ADRA1B: variants seen among roughly 807,000 people sequenced by gnomAD.
ADRA1B encodes alpha-1B adrenergic receptor.
A neutral mutation model predicts 17.9 loss-of-function variants in ADRA1B; 17 were observed. The observed-to-expected ratio is 0.95, with a 90% CI of 0.65 to 1.42. ADRA1B has a LOEUF of 1.42. Among genes scored for constraint, ADRA1B ranks in the 40% most tolerant of loss-of-function variants. The pLI, the probability that ADRA1B is intolerant of heterozygous loss-of-function variation, is 0.00. For missense variants in ADRA1B, 681 were observed against 722.1 expected (o/e 0.94, Z 0.65); for synonymous variants, 366 against 327.6 (o/e 1.12, Z -1.27).
the ADRA1B span, among the ~76,000 whole-genome samples, chr5:159,978,159 G>T: frequency 6.6e-6 from 1 of 152,114 alleles, no homozygotes; most frequent in Non-Finnish European, 1.5e-5. Flanking sequence ...TATATTCCAT[G>T]AGAGTGGGGA....
intron 1 of ADRA1B, among the ~76,000 whole-genome samples, chr5:159,963,369 C>T (rs1009026278): frequency 6.7e-6 from 1 of 150,072 alleles, no homozygotes. Flanking sequence ...TGATTAAGAG[C>T]CTCTGTCACA....
chr5:159,966,393 T>C (rs935831905), intron 1 of ADRA1B, among the ~76,000 whole-genome samples: 13 of 152,152 alleles, frequency 8.5e-5, no homozygotes, highest in Admixed American at 2.0e-4. Context: ...TATTAGCCCA[T>C]CTTACTGATG....
At chr5:159,906,455 A>ATT (rs1754161662) in intron 1 of ADRA1B, among the ~76,000 whole-genome samples, 1 of 152,242 alleles carries the variant, frequency 6.6e-6, no homozygotes, top group Non-Finnish European at 1.5e-5. Context: ...CTCAAAATGT[A>ATT]GTCTTCTGCA....
At chr5:159,877,537 T>C (rs964592909) in intron 1 of ADRA1B, among the ~76,000 whole-genome samples, 3 of 152,134 alleles carry the variant, frequency 2.0e-5, no homozygotes, top group African/African-American at 7.2e-5. Flanking sequence ...ATATCTCATA[T>C]CTCATTGGGT....
chr5:159,889,212 G>C (rs1388819225), intron 1 of ADRA1B, among the ~76,000 whole-genome samples: 2 of 152,120 alleles, frequency 1.3e-5, no homozygotes, highest in South Asian at 2.1e-4. Context: ...TCATGGAAGG[G>C]CAAGAATGGT....
chr5:159,976,268 G>C (rs946409588), downstream of ADRA1B, among the ~76,000 whole-genome samples: 2 of 152,160 alleles, frequency 1.3e-5, no homozygotes, highest in African/African-American at 4.8e-5. Context: ...TGGTTATAGA[G>C]ACAAAACAAT....
rs1755912422 is a variant in ADRA1B, at chr5:159,972,884, AGGAGG to A, written c.*393_*397del. 6.6e-6 allele frequency among the ~76,000 whole-genome samples: 1 copy of A among 152,196 alleles called. No homozygotes were observed. The highest frequency in any genetic ancestry group is 1.5e-5 in the Non-Finnish European group (1 of 68,012). On this transcript the variant is annotated 3_prime_UTR_variant, in exon 2 of 2. Coordinates refer to ENST00000306675, the MANE Select transcript of ADRA1B (RefSeq NM_000679.4). ...GTGAGGGCGCGGCGACTGTGCGCCC[AGGAGG>A]CAACCGGGGGCGTTGTGTGTGTCGT... is the stretch of plus-strand genomic sequence containing the variant.
chr5:159,981,474 T>G, the ADRA1B span, among the ~76,000 whole-genome samples: 6 of 152,296 alleles, frequency 3.9e-5, no homozygotes, highest in South Asian at 1.2e-3. Flanking sequence ...GTTCCCATTT[T>G]GTATTATTAG....
At chr5:159,951,545 C>G in intron 1 of ADRA1B, 1 of 590,410 alleles carries the variant, frequency 1.7e-6, no homozygotes, top group South Asian at 1.7e-5. Flanking sequence ...ATGCAGCTGT[C>G]TGTCGAACGG....
chr5:159,880,561 G>A (rs1432825890), intron 1 of ADRA1B, among the ~76,000 whole-genome samples: 2 of 152,182 alleles, frequency 1.3e-5, no homozygotes, highest in African/African-American at 4.8e-5. Context: ...ACCCTACAAA[G>A]CTCATGAAAA....
At chr5:159,966,768 G>C (rs62377701) in intron 1 of ADRA1B, among the ~76,000 whole-genome samples, 177 of 152,318 alleles carry the variant, frequency 1.2e-3, no homozygotes, top group Non-Finnish European at 1.3e-3. Context: ...GATTCCTCAT[G>C]TGAATTTATT....
intron 1 of ADRA1B, among the ~76,000 whole-genome samples, chr5:159,867,605 T>C (rs1456586182): frequency 1.3e-5 from 2 of 152,164 alleles, no homozygotes; most frequent in Non-Finnish European, 2.9e-5. Context: ...TCAAGGGGTT[T>C]TTCCACATCA....
rs1040220101 is a variant in ADRA1B, at chr5:159,922,995, G to C, written c.949+5141G>C. 4.6e-5 allele frequency among the ~76,000 whole-genome samples: 7 copies of C among 152,396 alleles called. No homozygotes were observed. In the South Asian group the frequency reaches 1.4e-3, roughly 32 times the overall value. On this transcript the variant is annotated intron_variant, in intron 1 of 1. Coordinates refer to ENST00000306675, the MANE Select transcript of ADRA1B (RefSeq NM_000679.4). ...GTACATCATAGGTCCCTGAGGCAGT[G>C]ACATTTAAGTGGAACCCTCAACGGT...
At chr5:159,970,144 ATAATG>A (rs1270727696) in intron 1 of ADRA1B, among the ~76,000 whole-genome samples, 1 of 152,128 alleles carries the variant, frequency 6.6e-6, no homozygotes, top group African/African-American at 2.4e-5. Context: ...TTTCTTATTC[ATAATG>A]TCTCATCATC....
At chr5:159,968,743 C>A (rs1267914264) in intron 1 of ADRA1B, among the ~76,000 whole-genome samples, 1 of 152,132 alleles carries the variant, frequency 6.6e-6, no homozygotes, top group East Asian at 1.9e-4. Flanking sequence ...CTACTTCTTC[C>A]CCAAATTTTC....
At chr5:159,962,609 A>T (rs1033596765) in intron 1 of ADRA1B, among the ~76,000 whole-genome samples, 3 of 152,086 alleles carry the variant, frequency 2.0e-5, no homozygotes, top group Non-Finnish European at 4.4e-5. Flanking sequence ...AGGAGCTAAA[A>T]AAGTTGGCGG....
At chr5:159,978,516 G>A in the ADRA1B span, among the ~76,000 whole-genome samples, 1 of 152,108 alleles carries the variant, frequency 6.6e-6, no homozygotes, top group African/African-American at 2.4e-5. Flanking sequence ...TCTGATTCTG[G>A]CTCAGCCCCT....
rs527267945 is a variant in ADRA1B at position 159,917,987 on chromosome 5, T to C, written c.949+133T>C. The C allele has an allele frequency of 7.2e-5, 62 of 859,304 alleles. No individual in the cohort carries two copies. In the African/African-American group the frequency reaches 1.0e-3, roughly 14 times the overall value. The allele number at this position is 859,304 out of a possible 1,614,324, so 53.2% of individuals were successfully genotyped here. On this transcript the variant is annotated intron_variant, in intron 1 of 1. Coordinates refer to ENST00000306675, the MANE Select transcript of ADRA1B (RefSeq NM_000679.4). ...CGTGTTCGGAGATTGAATAATATTGTTTGTTCTGCAAAGGGTTTGCAGATT... is the reference window on the plus strand; with the variant it reads ...CGTGTTCGGAGATTGAATAATATTGCTTGTTCTGCAAAGGGTTTGCAGATT...
At chr5:159,884,094 C>A (rs1340109968) in intron 1 of ADRA1B, among the ~76,000 whole-genome samples, 2 of 151,918 alleles carry the variant, frequency 1.3e-5, no homozygotes, top group Non-Finnish European at 2.9e-5. Context: ...TGGCCTAAAG[C>A]CAAAAATAAA....
Sources: allele counts gnomAD v4.1 joint callset (sites outside exome capture counted in the v4.1 genomes callset), GRCh38; gene constraint gnomAD v4.1.1; transcripts MANE v1.5; gene names NCBI Gene and HGNC (gene_info 2026-07-23, HGNC 2026-07-21).